The following SNTG2 variants were observed in gnomAD, a reference collection of about 807,000 sequenced individuals.
The protein encoded by SNTG2 is syntrophin gamma 2.
Under a neutral mutation model 70.9 loss-of-function variants are expected in SNTG2, and 74 were observed. The ratio of observed to expected loss-of-function variants is 1.04; its 90% CI spans 0.86 to 1.27. The LOEUF (loss-of-function observed/expected upper bound fraction) is 1.27. SNTG2 is among the 50% of genes most tolerant of loss of function. The pLI is 0.00. For synonymous variants in SNTG2, 278 were observed against 273.8 expected (o/e 1.02, Z -0.15); for missense variants, 717 against 690.7 (o/e 1.04, Z -0.43).
intron 1 of SNTG2, among the ~76,000 whole-genome samples, chr2:1,023,964 T>C (rs1660338385): frequency 6.6e-6 from 1 of 152,214 alleles, no homozygotes; most frequent in African/African-American, 2.4e-5. Flanking sequence ...TGGTGTGTGC[T>C]TTACACCAGT....
intron 6 of SNTG2, among the ~76,000 whole-genome samples, chr2:1,154,956 C>CA (rs1669763846): frequency 6.8e-6 from 1 of 146,880 alleles, no homozygotes; most frequent in Non-Finnish European, 1.5e-5. Flanking sequence ...TAAACTCACA[C>CA]CACACACAAA....
intron 7 of SNTG2, among the ~76,000 whole-genome samples, chr2:1,169,588 T>C (rs5024304): frequency 0.56 from 85,142 of 151,932 alleles, 25,204 homozygotes; most frequent in East Asian, 0.75. Context: ...TGCCTGAGCC[T>C]GTGGGGCCGG....
chr2:1,134,633 C>T (rs1668245871), intron 4 of SNTG2, among the ~76,000 whole-genome samples: 1 of 152,200 alleles, frequency 6.6e-6, no homozygotes, highest in African/African-American at 2.4e-5. Flanking sequence ...CTCCAAGGCC[C>T]CACCAGACTC....
intron 1 of SNTG2, among the ~76,000 whole-genome samples, chr2:1,035,333 C>A (rs955001971): frequency 6.6e-6 from 1 of 152,166 alleles, no homozygotes; most frequent in Admixed American, 6.5e-5. Context: ...CAGAGTCTGA[C>A]TGGCAATGAT....
chr2:1,316,736 T>TGGAGCATG (rs1681299357), intron 16 of SNTG2, among the ~76,000 whole-genome samples: 1 of 55,790 alleles, frequency 1.8e-5, no homozygotes, highest in Non-Finnish European at 4.3e-5. Context: ...TCTGGAGCAC[T>TGGAGCATG]TAGCATCAGG....
intron 1 of SNTG2, among the ~76,000 whole-genome samples, chr2:997,981 A>G (rs1661748322): frequency 6.6e-6 from 1 of 152,184 alleles, no homozygotes; most frequent in Non-Finnish European, 1.5e-5. Context: ...AGAGGCTGTT[A>G]GCCTACTCAC....
intron 9 of SNTG2, among the ~76,000 whole-genome samples, chr2:1,236,320 G>A (rs930179921): frequency 1.3e-5 from 2 of 152,206 alleles, no homozygotes; most frequent in Admixed American, 6.5e-5. Flanking sequence ...ATTTATTATA[G>A]CAGACATCCA....
At chr2:1,045,195 A>C (rs766418745) in intron 1 of SNTG2, among the ~76,000 whole-genome samples, 1 of 151,978 alleles carries the variant, frequency 6.6e-6, no homozygotes, top group Non-Finnish European at 1.5e-5. Flanking sequence ...TGTTCATAGT[A>C]GTTTCAGAGG....
At chr2:1,109,099 C>T (rs1666264190) in intron 4 of SNTG2, among the ~76,000 whole-genome samples, 1 of 152,062 alleles carries the variant, frequency 6.6e-6, no homozygotes, top group Non-Finnish European at 1.5e-5. Context: ...CGCACGCTGT[C>T]ACTGGGGCGC....
intron 16 of SNTG2, among the ~76,000 whole-genome samples, chr2:1,335,297 A>G (rs985151602): frequency 2.6e-5 from 4 of 152,216 alleles, no homozygotes; most frequent in Admixed American, 2.0e-4. Flanking sequence ...AGGAGACATG[A>G]CAGAATGGGT....
chr2:1,324,847 T>A (rs74632629), intron 16 of SNTG2, among the ~76,000 whole-genome samples: 1,821 of 152,358 alleles, frequency 0.012, 34 homozygotes, highest in African/African-American at 0.042. Context: ...GATTAGACTC[T>A]TTAAAGACTC....
chr2:1,146,984 C>T (rs557988951), intron 6 of SNTG2, among the ~76,000 whole-genome samples: 1 of 152,330 alleles, frequency 6.6e-6, no homozygotes, highest in African/African-American at 2.4e-5. Flanking sequence ...AAAATGTCTT[C>T]ACTTTATTTC....
intron 9 of SNTG2, among the ~76,000 whole-genome samples, chr2:1,230,753 C>T (rs1411910452): frequency 6.6e-6 from 1 of 152,230 alleles, no homozygotes; most frequent in East Asian, 1.9e-4. Flanking sequence ...CACTCAGCAG[C>T]TCTTCAGCCC....
At chr2:1,038,511 C>G (rs570026327) in intron 1 of SNTG2, among the ~76,000 whole-genome samples, 1 of 152,284 alleles carries the variant, frequency 6.6e-6, no homozygotes, top group East Asian at 1.9e-4. Context: ...TTCTGTCTTC[C>G]TTTTGTTCAT....
chr2:1,236,149 T>G (rs1443195978), intron 9 of SNTG2, among the ~76,000 whole-genome samples: 2 of 152,198 alleles, frequency 1.3e-5, no homozygotes, highest in African/African-American at 4.8e-5. Flanking sequence ...ATGATGGCAA[T>G]GAACCCATTT....
chr2:1,317,230 G>A lies in SNTG2; in HGVS notation c.1488+855G>A, dbSNP rs1456160743. 4.4e-5 allele frequency among the ~76,000 whole-genome samples: 4 copies of A among 89,930 alleles called. 1 individual carries two copies. The highest frequency in any genetic ancestry group is 1.2e-4 in the Admixed American group (1 of 8,342). 59.0% of individuals were successfully genotyped at this position (89,930 alleles called of 152,430 possible). A position where few individuals can be genotyped will look rare whatever the true frequency, so the allele number is the denominator to read the frequency against. On this transcript the variant is annotated intron_variant, in intron 16 of 16. Transcript: ENST00000308624. ...GGGATTCTGGAACATTTAGCGTCCG[G>A]CCAGCATTGGAGAAGGTTGGGATTC... is the stretch of plus-strand genomic sequence containing the variant.
At chr2:1,048,636 C>T (rs1661880668) in intron 1 of SNTG2, among the ~76,000 whole-genome samples, 1 of 152,080 alleles carries the variant, frequency 6.6e-6, no homozygotes, top group Admixed American at 6.5e-5. Flanking sequence ...CTTTAAACAT[C>T]CTTTCATATG....
At chr2:1,365,750 G>A (rs559292954) in intron 16 of SNTG2, among the ~76,000 whole-genome samples, 9 of 152,350 alleles carry the variant, frequency 5.9e-5, no homozygotes, top group Admixed American at 4.6e-4. Context: ...TTGCAAGAGA[G>A]AAGCAGTTTC....
chr2:1,032,942 A>G (rs1282773315), intron 1 of SNTG2, among the ~76,000 whole-genome samples: 1 of 152,198 alleles, frequency 6.6e-6, no homozygotes, highest in Non-Finnish European at 1.5e-5. Flanking sequence ...AGGCTCAGGA[A>G]TCTTCCAATC....
Sources: allele counts gnomAD v4.1 joint callset (sites outside exome capture counted in the v4.1 genomes callset), GRCh38; gene constraint gnomAD v4.1.1; transcripts MANE v1.5; gene names NCBI Gene and HGNC (gene_info 2026-07-23, HGNC 2026-07-21).